Variants in WDPCP observed in about 807,000 individuals in gnomAD.
The protein encoded by WDPCP is WD repeat-containing and planar cell polarity effector protein fritz homolog.
A neutral mutation model predicts 93.1 loss-of-function variants in WDPCP; 71 were observed. The ratio of observed to expected loss-of-function variants is 0.76; its 90% CI spans 0.63 to 0.93. WDPCP has a LOEUF of 0.93. Ranked by LOEUF, WDPCP falls within the 40% of genes least tolerant of loss-of-function variation. WDPCP has a pLI of 0.00. For synonymous variants in WDPCP, 315 were observed against 315.0 expected (o/e 1.00, Z 0.00); for missense variants, 844 against 887.4 (o/e 0.95, Z 0.62).
At chr2:63,351,336 T>C (rs1415971548) in intron 12 of WDPCP, among the ~76,000 whole-genome samples, 2 of 152,022 alleles carry the variant, frequency 1.3e-5, no homozygotes, top group Non-Finnish European at 2.9e-5. Context: ...CATGGGAATA[T>C]TGTGTGATGC....
At chr2:63,148,986 TAAAC>T (rs1366126752) in intron 17 of WDPCP, among the ~76,000 whole-genome samples, 1 of 152,250 alleles carries the variant, frequency 6.6e-6, no homozygotes, top group East Asian at 1.9e-4. Flanking sequence ...AAGGACATCT[TAAAC>T]AAGATATAAA....
At chr2:63,771,662 A>G (rs904857997) in intron 2 of WDPCP, among the ~76,000 whole-genome samples, 1 of 152,092 alleles carries the variant, frequency 6.6e-6, no homozygotes, top group African/African-American at 2.4e-5. Flanking sequence ...GGTAGCAAGC[A>G]TAATTCCTGA....
intron 1 of WDPCP, among the ~76,000 whole-genome samples, chr2:63,523,828 T>C (rs893066105): frequency 1.1e-4 from 17 of 152,152 alleles, no homozygotes; most frequent in African/African-American, 4.1e-4. Flanking sequence ...GGAGAATTGC[T>C]TGAACCCAGG....
intron 2 of WDPCP, among the ~76,000 whole-genome samples, chr2:63,766,854 C>T (rs1288990683): frequency 1.3e-5 from 2 of 152,142 alleles, no homozygotes; most frequent in Non-Finnish European, 2.9e-5. Flanking sequence ...TAACTCTTTT[C>T]ATTTTGTAAA....
intron 3 of WDPCP, among the ~76,000 whole-genome samples, chr2:63,641,755 T>A (rs186894540): frequency 6.6e-6 from 1 of 152,304 alleles, no homozygotes; most frequent in East Asian, 1.9e-4. Context: ...TCTCTTCACT[T>A]TATTGATTGT....
intron 13 of WDPCP, among the ~76,000 whole-genome samples, chr2:63,288,878 G>A (rs986195216): frequency 6.6e-6 from 1 of 151,962 alleles, no homozygotes; most frequent in South Asian, 2.1e-4. Context: ...AGTATAGGCT[G>A]GTTATTAGAA....
intron 17 of WDPCP, among the ~76,000 whole-genome samples, chr2:63,132,480 T>C (rs1190258110): frequency 6.6e-6 from 1 of 151,316 alleles, no homozygotes; most frequent in African/African-American, 2.4e-5. Flanking sequence ...ATGGATATAT[T>C]GTCCTGCTTG....
intron 3 of WDPCP, among the ~76,000 whole-genome samples, chr2:63,638,338 C>G (rs1275039426): frequency 6.6e-6 from 1 of 152,132 alleles, no homozygotes; most frequent in Non-Finnish European, 1.5e-5. Flanking sequence ...CATACACACA[C>G]ACACACACAC....
At chr2:63,209,226 A>G (rs1165954946) in intron 14 of WDPCP, among the ~76,000 whole-genome samples, 1 of 152,226 alleles carries the variant, frequency 6.6e-6, no homozygotes, top group Non-Finnish European at 1.5e-5. Context: ...ATTCCATAAA[A>G]TAGAATAAAT....
chr2:63,155,148 A>G (rs1249756742), intron 15 of WDPCP, among the ~76,000 whole-genome samples: 2 of 152,160 alleles, frequency 1.3e-5, no homozygotes, highest in African/African-American at 4.8e-5. Context: ...GAAGTTACCA[A>G]TTTTTTTAAA....
chr2:63,559,451 G>C (rs566772612), intron 1 of WDPCP, among the ~76,000 whole-genome samples: 3 of 152,050 alleles, frequency 2.0e-5, no homozygotes, highest in East Asian at 1.9e-4. Context: ...AGAAATAAAG[G>C]GTATTCAAAT....
upstream of WDPCP, among the ~76,000 whole-genome samples, chr2:63,829,707 A>G (rs547123083): frequency 6.6e-6 from 1 of 152,158 alleles, no homozygotes; most frequent in Non-Finnish European, 1.5e-5. Flanking sequence ...CCCAAGTACC[A>G]TGGGTTACAC....
chr2:63,833,360 T>C, the WDPCP span, among the ~76,000 whole-genome samples: 1 of 152,212 alleles, frequency 6.6e-6, no homozygotes, highest in Non-Finnish European at 1.5e-5. Context: ...TTCATAAGGT[T>C]ATCTAAGTAA....
chr2:63,799,663 ATTC>A (rs1429368742), intron 2 of WDPCP, among the ~76,000 whole-genome samples: 2 of 152,292 alleles, frequency 1.3e-5, no homozygotes, highest in Non-Finnish European at 2.9e-5. Flanking sequence ...TTTGTCTCAT[ATTC>A]TTCTTTTTTA....
chr2:63,790,811 T>C (rs1209539538), intron 2 of WDPCP, among the ~76,000 whole-genome samples: 1 of 152,220 alleles, frequency 6.6e-6, no homozygotes, highest in Non-Finnish European at 1.5e-5. Flanking sequence ...TCTTCTATGC[T>C]ACTTCTAAGA....
At chr2:63,274,801 AG>A (rs1485197635) in intron 13 of WDPCP, among the ~76,000 whole-genome samples, 1 of 152,194 alleles carries the variant, frequency 6.6e-6, no homozygotes, top group Non-Finnish European at 1.5e-5. Flanking sequence ...TTCATTAACA[AG>A]ATTTAATCAG....
At chr2:63,527,751 G>T (rs1358481976) in intron 1 of WDPCP, among the ~76,000 whole-genome samples, 1 of 151,916 alleles carries the variant, frequency 6.6e-6, no homozygotes, top group African/African-American at 2.4e-5. Flanking sequence ...GGGATGGCTG[G>T]GTCAAATGGT....
At chr2:63,562,544 T>C (rs1381628478) in intron 1 of WDPCP, among the ~76,000 whole-genome samples, 1 of 152,126 alleles carries the variant, frequency 6.6e-6, no homozygotes, top group Non-Finnish European at 1.5e-5. Context: ...TTTTTAAAAA[T>C]AAAAAATTTC....
At chr2:63,353,369 G>A (rs534339264) in intron 12 of WDPCP, among the ~76,000 whole-genome samples, 1 of 152,274 alleles carries the variant, frequency 6.6e-6, no homozygotes, top group South Asian at 2.1e-4. Context: ...CCAAGGGACT[G>A]AGCAAAAACA....
Sources: gnomAD v4.1 joint callset for allele counts (sites outside exome capture counted in the v4.1 genomes callset) on GRCh38, gnomAD v4.1.1 for gene constraint, MANE v1.5 for transcripts, NCBI Gene and HGNC (gene_info 2026-07-23, HGNC 2026-07-21) for gene names.